MYLK4: variants seen among roughly 807,000 people sequenced by gnomAD.
MYLK4 encodes myosin light chain kinase family member 4, also known as caMLCK like.
MYLK4 carries 46 observed loss-of-function variants against 48.1 expected under a neutral mutation model. The observed-to-expected ratio is 0.96, with a 90% CI of 0.75 to 1.22. The LOEUF (loss-of-function observed/expected upper bound fraction) is 1.22, where lower values mean the gene tolerates loss of function less well. Ranked by LOEUF, MYLK4 falls within the 50% of genes most tolerant of loss-of-function variation. The pLI is 0.00. For missense variants in MYLK4, 451 were observed against 486.1 expected (o/e 0.93, Z 0.68); for synonymous variants, 170 against 180.8 (o/e 0.94, Z 0.48).
chr6:2,766,303 G>A, the MYLK4 span: 1 of 1,608,910 alleles, frequency 6.2e-7, no homozygotes, highest in Non-Finnish European at 8.5e-7. Context: ...GCAAGCCGCT[G>A]GCCGACACGA....
intron 9 of MYLK4, among the ~76,000 whole-genome samples, chr6:2,678,897 T>C (rs1473798977): frequency 6.6e-6 from 1 of 152,066 alleles, no homozygotes; most frequent in Admixed American, 6.6e-5. Context: ...AGAGATGGGG[T>C]TTCACCATGT....
At chr6:2,750,324 C>T (rs767132543) in intron 1 of MYLK4, among the ~76,000 whole-genome samples, 67 of 152,230 alleles carry the variant, frequency 4.4e-4, no homozygotes, top group Non-Finnish European at 7.6e-4. Context: ...TTAAAATTCA[C>T]TGCTCTAACA....
chr6:2,747,516 T>A lies in MYLK4; in HGVS notation c.159+1620A>T, dbSNP rs368835091. 2.0e-5 allele frequency among the ~76,000 whole-genome samples: 3 copies of A among 152,116 alleles called. No individual in the cohort carries two copies. The East Asian group carries it at 5.8e-4, about 29-fold the overall frequency. On this transcript the variant is annotated intron_variant, in intron 2 of 12. Coordinates refer to ENST00000274643, the MANE Select transcript of MYLK4 (RefSeq NM_001012418.5). ...GTGTGCCACCATGCCCGCTATTTTA[T>A]TTGTATTTTTTTATTTTTGTAGAAA...
At chr6:2,674,324 G>A (rs1046328651) in intron 11 of MYLK4, among the ~76,000 whole-genome samples, 2 of 152,148 alleles carry the variant, frequency 1.3e-5, no homozygotes, top group African/African-American at 4.8e-5. Context: ...GGTGCCCAGA[G>A]CAGATCAAGC....
chr6:2,673,228 G>A lies in MYLK4; in HGVS notation c.1119+1819C>T, dbSNP rs1213521632. Among the ~76,000 whole-genome samples the A allele has an allele frequency of 6.6e-6, 1 of 152,168 alleles. No individual in the cohort carries two copies. The highest frequency in any genetic ancestry group is 2.4e-5 in the African/African-American group (1 of 41,436). ...TAAGCTTGGATAAAAATACATCGGTGGAAAATTGGCTCAAAATAGGTTAGT... is the reference window on the plus strand; with the variant it reads ...TAAGCTTGGATAAAAATACATCGGTAGAAAATTGGCTCAAAATAGGTTAGT... On this transcript the variant is annotated intron_variant, in intron 11 of 12. Coordinates refer to ENST00000274643, the MANE Select transcript of MYLK4 (RefSeq NM_001012418.5). This position sits in a 1 kb window ranked among gnomAD's most constrained non-coding sequence, Gnocchi z 4.2.
At chr6:2,726,766 C>A (rs766304373) in intron 2 of MYLK4, among the ~76,000 whole-genome samples, 3 of 152,068 alleles carry the variant, frequency 2.0e-5, no homozygotes, top group Non-Finnish European at 4.4e-5. Context: ...GCGCCCGCCA[C>A]CATGCCAGGC....
At position 2,665,778 on chromosome 6, in the gene MYLK4, A is replaced by G. The variant is rs1382858485; in HGVS notation, c.*2147T>C. 1 of 152,216 alleles carries G rather than the reference A, an allele frequency of 6.6e-6. No individual in the cohort carries two copies. Among genetic ancestry groups the G allele is most frequent in the Admixed American group, 6.5e-5 (1 of 15,282 alleles). The allele number at this position is 152,216 out of a possible 1,614,324, so 9.4% of individuals were successfully genotyped here. A position where few individuals can be genotyped will look rare whatever the true frequency, so the allele number is the denominator to read the frequency against. ...CAAATCAGACCCCTGTGTCCTGTTT[A>G]GCATTTGAGTGAATGCCAGCTCTCT... is the stretch of plus-strand genomic sequence containing the variant. On this transcript the variant is annotated 3_prime_UTR_variant, in exon 13 of 13. Transcript: ENST00000274643.
In MYLK4 at chr6:2,678,337, T is replaced by A; in HGVS notation, c.923A>T (p.Asp308Val). The change falls in exon 10 of 13, where the codon GAT becomes GTT. Residue 308 changes from aspartate (D) to valine (V), a missense_variant. Coordinates refer to ENST00000274643, the MANE Select transcript of MYLK4 (RefSeq NM_001012418.5). The part of the protein sequence containing the change: ...SGLSPFLGDN[D>V]AETLNNILAC... Reference sequence around the variant, plus strand: ...CAGGATGTTGTTCAGCGTCTCAGCATCATTGTCACCCAGGAAAGGCGACAA... The same window carrying A: ...CAGGATGTTGTTCAGCGTCTCAGCAACATTGTCACCCAGGAAAGGCGACAA... 1 of 1,614,018 alleles carries A rather than the reference T, an allele frequency of 6.2e-7. No individual in the cohort carries two copies. Among genetic ancestry groups the A allele is most frequent in the Non-Finnish European group, 8.5e-7 (1 of 1,180,016 alleles).
At chr6:2,726,762 G>A (rs1169401855) in intron 2 of MYLK4, among the ~76,000 whole-genome samples, 3 of 151,872 alleles carry the variant, frequency 2.0e-5, no homozygotes, top group South Asian at 2.1e-4. Flanking sequence ...ACAGGCGCCC[G>A]CCACCATGCC....
Position 2,685,692 on chromosome 6 carries a change from GTTCT to G in MYLK4, c.342-120_342-117del. 1 of 804,128 alleles carries G rather than the reference GTTCT, an allele frequency of 1.2e-6. No individual in the cohort carries two copies. Among genetic ancestry groups the G allele is most frequent in the East Asian group, 2.5e-5 (1 of 39,906 alleles). The allele number at this position is 804,128 out of a possible 1,614,324, so 49.8% of individuals were successfully genotyped here. On this transcript the variant is annotated intron_variant, in intron 4 of 12. Coordinates refer to ENST00000274643, the MANE Select transcript of MYLK4 (RefSeq NM_001012418.5). The surrounding 1 kb of genome is among the most constrained non-coding windows in gnomAD (Gnocchi z 4.5). Reference sequence around the variant, plus strand: ...GTCTGGATGAGCAGCCCTCTGAGGAGTTCTTTCAGTAAACTTCTAGAGCAGTATT... The same window carrying G: ...GTCTGGATGAGCAGCCCTCTGAGGAGTTCAGTAAACTTCTAGAGCAGTATT...
At chr6:2,764,507 G>T in the MYLK4 span, among the ~76,000 whole-genome samples, 1 of 152,174 alleles carries the variant, frequency 6.6e-6, no homozygotes, top group Admixed American at 6.5e-5. Flanking sequence ...ACCTCTTCTA[G>T]TTACCAAAAA....
At chr6:2,757,553 T>C in the MYLK4 span, among the ~76,000 whole-genome samples, 1 of 151,006 alleles carries the variant, frequency 6.6e-6, no homozygotes, top group African/African-American at 2.4e-5. Context: ...TTGTTATATA[T>C]AAAACACTGA....
chr6:2,674,406 A>G lies in MYLK4; in HGVS notation c.1119+641T>C, dbSNP rs183777598. Among the ~76,000 whole-genome samples the G allele has an allele frequency of 8.5e-5, 13 of 152,290 alleles. No homozygotes were observed. The East Asian group carries it at 2.5e-3, about 29-fold the overall frequency. On this transcript the variant is annotated intron_variant, in intron 11 of 12. Coordinates refer to ENST00000274643, the MANE Select transcript of MYLK4 (RefSeq NM_001012418.5). ...ATATTTCTCCTGAATGAACATTACTATATATTCTCCAGAACTTTATATGTT... is the reference window on the plus strand; with the variant it reads ...ATATTTCTCCTGAATGAACATTACTGTATATTCTCCAGAACTTTATATGTT...
chr6:2,693,309 G>A (rs908692545), intron 2 of MYLK4, among the ~76,000 whole-genome samples: 1 of 152,206 alleles, frequency 6.6e-6, no homozygotes, highest in African/African-American at 2.4e-5. Flanking sequence ...TTAATAATGT[G>A]TGCATCACCC....
chr6:2,744,163 G>A, intron 2 of MYLK4: 1 of 397,180 alleles, frequency 2.5e-6, no homozygotes, highest in Non-Finnish European at 4.4e-6. Flanking sequence ...CCGAATTACA[G>A]AGGGTTCTTG....
the MYLK4 span, chr6:2,766,057 C>T: frequency 2.6e-5 from 34 of 1,292,436 alleles, no homozygotes; most frequent in African/African-American, 1.4e-4. Flanking sequence ...GGCCGGCGGC[C>T]GCCGCCGCGG....
Position 2,682,736 on chromosome 6 carries a change from G to A in MYLK4, c.687+285C>T, listed in dbSNP as rs576202074. ...GCTACCACGTGGATACCGCTGTGGT[G>A]GTGGTGACTGTTTTCATTCTAAACT... is the stretch of plus-strand genomic sequence containing the variant. On this transcript the variant is annotated intron_variant, in intron 7 of 12. Transcript: ENST00000274643. 9.8e-5 allele frequency among the ~76,000 whole-genome samples: 15 copies of A among 152,296 alleles called. No homozygotes were observed. In the South Asian group the frequency reaches 2.7e-3, roughly 27 times the overall value.
chr6:2,677,792 T>C (rs1178547706), intron 10 of MYLK4, among the ~76,000 whole-genome samples: 1 of 152,058 alleles, frequency 6.6e-6, no homozygotes, highest in East Asian at 1.9e-4. Context: ...TCAGGGGTGG[T>C]AGTTAAAAGA....
intron 2 of MYLK4, among the ~76,000 whole-genome samples, chr6:2,707,042 G>A (rs1357944490): frequency 6.6e-6 from 1 of 152,164 alleles, no homozygotes; most frequent in Admixed American, 6.5e-5. Flanking sequence ...TGCACATAAA[G>A]GTAGCAACCT....
Sources: allele counts gnomAD v4.1 joint callset (sites outside exome capture counted in the v4.1 genomes callset), GRCh38; gene constraint gnomAD v4.1.1; non-coding constraint Gnocchi (gnomAD v3.1); transcripts MANE v1.5; gene names NCBI Gene and HGNC (gene_info 2026-07-23, HGNC 2026-07-21).